RGS7: variants seen among roughly 807,000 people sequenced by gnomAD.
RGS7 encodes regulator of G-protein signaling 7.
A neutral mutation model predicts 81.1 loss-of-function variants in RGS7; 27 were observed. The ratio of observed to expected loss-of-function variants is 0.33; its 90% CI spans 0.25 to 0.46. The LOEUF (loss-of-function observed/expected upper bound fraction) is 0.46, where lower values mean the gene tolerates loss of function less well. RGS7 is among the 20% of genes least tolerant of loss of function. The pLI, the probability that RGS7 is intolerant of heterozygous loss-of-function variation, is 1.00. For missense variants in RGS7, 396 were observed against 607.4 expected, an observed-to-expected ratio of 0.65 and a Z score of 3.66; for synonymous variants, 208 against 207.7, an observed-to-expected ratio of 1.00 and a Z score of -0.01.
intron 9 of RGS7, among the ~76,000 whole-genome samples, chr1:240,854,482 C>A (rs1337188872): frequency 6.6e-6 from 1 of 152,074 alleles, no homozygotes; most frequent in Non-Finnish European, 1.5e-5. Context: ...CCAATTTCAC[C>A]CTCTCCTAAT....
At chr1:241,033,111 T>C (rs1353450996) in intron 3 of RGS7, among the ~76,000 whole-genome samples, 1 of 152,208 alleles carries the variant, frequency 6.6e-6, no homozygotes, top group Non-Finnish European at 1.5e-5. Flanking sequence ...ACCCCAGCAC[T>C]TTGGAAGGCT....
chr1:240,960,496 C>G (rs936468864), intron 4 of RGS7, among the ~76,000 whole-genome samples: 17 of 150,490 alleles, frequency 1.1e-4, no homozygotes, highest in Non-Finnish European at 2.2e-4. Context: ...CCCGCCTCAG[C>G]CTTCCAAAGT....
chr1:241,292,839 T>A (rs2079164445), intron 2 of RGS7, among the ~76,000 whole-genome samples: 1 of 152,202 alleles, frequency 6.6e-6, no homozygotes, highest in Non-Finnish European at 1.5e-5. Context: ...ACAATTATTC[T>A]GAAAATGTAG....
intron 5 of RGS7, 149 bp from the exon 6 acceptor site, chr1:240,930,917 A>G (rs2148345842): frequency 1.2e-6 from 1 of 831,456 alleles, no homozygotes; most frequent in Non-Finnish European, 2.0e-6. Context: ...AGAGACATTG[A>G]AAACTCTTTG....
chr1:241,211,520 T>C (rs952658926), intron 2 of RGS7, among the ~76,000 whole-genome samples: 1 of 152,184 alleles, frequency 6.6e-6, no homozygotes, highest in African/African-American at 2.4e-5. Context: ...AAGTGTCCTC[T>C]GTACCTGACA....
At chr1:240,895,771 A>G (rs1307420347) in intron 6 of RGS7, among the ~76,000 whole-genome samples, 1 of 152,242 alleles carries the variant, frequency 6.6e-6, no homozygotes, top group East Asian at 1.9e-4. Flanking sequence ...TCTTTATAGC[A>G]GCATGATTTA....
chr1:240,868,985 T>C lies in RGS7; in HGVS notation c.451-133A>G. 3 of 792,284 alleles carry C rather than the reference T, an allele frequency of 3.8e-6. No individual in the cohort carries two copies. Among genetic ancestry groups the C allele is most frequent in the Non-Finnish European group, 6.6e-6 (3 of 453,246 alleles). The allele number at this position is 792,284 out of a possible 1,614,324, so 49.1% of individuals were successfully genotyped here. Reference sequence around the variant, plus strand: ...GCCCTAAGTGTACTGTGGTTCTCAATGATAAGTCATGCTCCCTGAATTCAG... The same window carrying C: ...GCCCTAAGTGTACTGTGGTTCTCAACGATAAGTCATGCTCCCTGAATTCAG... On this transcript the variant is annotated intron_variant, in intron 7 of 18. Coordinates refer to ENST00000440928, the MANE Select transcript of RGS7 (RefSeq NM_001364886.1). This position sits in a 1 kb window ranked among gnomAD's most constrained non-coding sequence, Gnocchi z 5.1.
chr1:240,814,658 A>T, intron 12 of RGS7, 58 bp downstream of exon 12: 1 of 1,014,376 alleles, frequency 9.9e-7, no homozygotes, highest in Non-Finnish European at 1.6e-6. Context: ...TCATTTTTAA[A>T]CACATGTAAT....
intron 3 of RGS7, among the ~76,000 whole-genome samples, chr1:240,993,756 C>A (rs566290): frequency 0.37 from 55,500 of 151,732 alleles, 12,226 homozygotes; most frequent in East Asian, 0.61. Flanking sequence ...AGTATTAAAT[C>A]TAAGAACTCT....
chr1:240,974,650 CT>C (rs1046985691), intron 4 of RGS7, among the ~76,000 whole-genome samples: 1 of 152,192 alleles, frequency 6.6e-6, no homozygotes, highest in Non-Finnish European at 1.5e-5. Flanking sequence ...TGGAAATATT[CT>C]TTCAGCTCAT....
At chr1:241,083,499 G>A (rs188874376) in intron 3 of RGS7, among the ~76,000 whole-genome samples, 8 of 152,224 alleles carry the variant, frequency 5.3e-5, no homozygotes, top group South Asian at 2.1e-4. Flanking sequence ...TCCGCAGCTC[G>A]ATTGGCTATG....
At chr1:241,199,287 T>C (rs2073316295) in intron 2 of RGS7, among the ~76,000 whole-genome samples, 1 of 152,074 alleles carries the variant, frequency 6.6e-6, no homozygotes, top group South Asian at 2.1e-4. Flanking sequence ...AAACCTCATC[T>C]GTACTAAAAA....
In RGS7 at chr1:241,257,880, A is replaced by G. The variant is rs553161704; in HGVS notation, c.78+97819T>C. Among the ~76,000 whole-genome samples the G allele has an allele frequency of 1.4e-4, 21 of 152,314 alleles. No homozygotes were observed. In the East Asian group the frequency reaches 4.0e-3, roughly 29 times the overall value. ...TACAAGACCAAACACGACATAGACTATATAGTTCCTTTATTGTCATTGAAG... is the reference window on the plus strand; with the variant it reads ...TACAAGACCAAACACGACATAGACTGTATAGTTCCTTTATTGTCATTGAAG... On this transcript the variant is annotated intron_variant, in intron 2 of 18. Coordinates refer to ENST00000440928, the MANE Select transcript of RGS7 (RefSeq NM_001364886.1).
At chr1:241,289,461 C>T (rs965001372) in intron 2 of RGS7, among the ~76,000 whole-genome samples, 3 of 152,218 alleles carry the variant, frequency 2.0e-5, no homozygotes, top group Admixed American at 6.5e-5. Context: ...GTGCTCACCA[C>T]ATTTTATAGT....
intron 9 of RGS7, among the ~76,000 whole-genome samples, chr1:240,858,269 C>G (rs576350719): frequency 1.3e-5 from 2 of 152,268 alleles, no homozygotes; most frequent in African/African-American, 4.8e-5. Flanking sequence ...AGTGGGAATG[C>G]TATATTGTAT....
At chr1:240,867,502 C>T (rs1663529507) in intron 9 of RGS7, among the ~76,000 whole-genome samples, 1 of 152,104 alleles carries the variant, frequency 6.6e-6, no homozygotes, top group Admixed American at 6.6e-5. Context: ...TTAATTTCAT[C>T]CATAAAGTTT....
intron 4 of RGS7, among the ~76,000 whole-genome samples, chr1:240,967,947 C>T (rs942201035): frequency 1.9e-4 from 29 of 152,124 alleles, no homozygotes; most frequent in African/African-American, 7.0e-4. Flanking sequence ...CTACATGTGA[C>T]ATTTGACTCC....
At chr1:241,131,546 T>C (rs2067102687) in intron 2 of RGS7, among the ~76,000 whole-genome samples, 1 of 152,108 alleles carries the variant, frequency 6.6e-6, no homozygotes, top group South Asian at 2.1e-4. Context: ...TGGTAAAAAT[T>C]GGTAGGTGTA....
chr1:241,248,331 G>C (rs778515852), intron 2 of RGS7, among the ~76,000 whole-genome samples: 2 of 145,782 alleles, frequency 1.4e-5, no homozygotes, highest in Admixed American at 6.9e-5. Flanking sequence ...CCTATGGCTG[G>C]GTCCTGTTGT....
Sources: allele counts gnomAD v4.1 joint callset (sites outside exome capture counted in the v4.1 genomes callset), GRCh38; gene constraint gnomAD v4.1.1; non-coding constraint Gnocchi (gnomAD v3.1); transcripts MANE v1.5; gene names NCBI Gene and HGNC (gene_info 2026-07-23, HGNC 2026-07-21).